TMEM131: variants seen among roughly 807,000 people sequenced by gnomAD.
The protein encoded by TMEM131 is transmembrane protein 131, also known as 2610524E03Rik.
Under a neutral mutation model 211.6 loss-of-function variants are expected in TMEM131, and 66 were observed. The observed-to-expected ratio is 0.31, with a 90% confidence interval of 0.26 to 0.38. The LOEUF is 0.38. Ranked by LOEUF, TMEM131 falls within the 10% of genes least tolerant of loss-of-function variation. The pLI is 1.00. For missense variants in TMEM131, 2,036 were observed against 2,299.3 expected (o/e 0.89, Z 2.34); for synonymous variants, 844 against 841.3 (o/e 1.00, Z -0.06).
At chr2:97,947,196 G>A (rs1320781939) in intron 1 of TMEM131, among the ~76,000 whole-genome samples, 7 of 151,796 alleles carry the variant, frequency 4.6e-5, no homozygotes, top group South Asian at 2.1e-4. Flanking sequence ...ACATCATAGT[G>A]AAAGAATAAA....
intron 4 of TMEM131, among the ~76,000 whole-genome samples, chr2:97,859,870 T>A (rs966542453): frequency 6.6e-6 from 1 of 152,226 alleles, no homozygotes; most frequent in Non-Finnish European, 1.5e-5. Flanking sequence ...TTTACTATAC[T>A]CATTTCATAG....
chr2:97,869,595 G>A (rs539306298), intron 4 of TMEM131, among the ~76,000 whole-genome samples: 65 of 152,328 alleles, frequency 4.3e-4, no homozygotes, highest in African/African-American at 1.5e-3. Context: ...TGCTCAAACA[G>A]GGCAGGCTGC....
chr2:97,940,966 A>G (rs1214250991), intron 1 of TMEM131, among the ~76,000 whole-genome samples: 1 of 152,184 alleles, frequency 6.6e-6, no homozygotes, highest in South Asian at 2.1e-4. Flanking sequence ...AGGATTGGAA[A>G]ATACTACTTT....
chr2:97,961,247 AAATAT>A (rs1168241600), intron 1 of TMEM131, among the ~76,000 whole-genome samples: 24 of 152,166 alleles, frequency 1.6e-4, no homozygotes, highest in Non-Finnish European at 3.4e-4. Context: ...AAATAAAATA[AAATAT>A]AATTTCATTG....
intron 4 of TMEM131, among the ~76,000 whole-genome samples, chr2:97,870,822 A>C (rs374946925): frequency 1.3e-5 from 2 of 152,232 alleles, no homozygotes; most frequent in African/African-American, 2.4e-5. Context: ...TTACCGCAAA[A>C]TACTACTATC....
At chr2:97,793,252 G>T in intron 30 of TMEM131, 143 bp downstream of exon 30, 1 of 840,632 alleles carries the variant, frequency 1.2e-6, no homozygotes, top group Non-Finnish European at 1.8e-6. Context: ...GTCACTCAGA[G>T]TTCCATACAG....
chr2:97,955,901 A>G (rs1240084737), intron 1 of TMEM131, among the ~76,000 whole-genome samples: 3 of 152,302 alleles, frequency 2.0e-5, no homozygotes, highest in South Asian at 2.1e-4. Context: ...AAAAATGTCA[A>G]TTCTCCCCAA....
chr2:97,815,074 CT>C, intron 13 of TMEM131, 124 bp downstream of exon 13: 2 of 504,284 alleles, frequency 4.0e-6, no homozygotes, highest in Non-Finnish European at 3.2e-6. Context: ...TGGGGCTGTT[CT>C]TTCAAAAAAT....
At chr2:97,935,986 G>C (rs1207474649) in intron 1 of TMEM131, among the ~76,000 whole-genome samples, 1 of 152,136 alleles carries the variant, frequency 6.6e-6, no homozygotes, top group South Asian at 2.1e-4. Context: ...CAATAAGGGT[G>C]GCAGAACAAT....
intron 1 of TMEM131, among the ~76,000 whole-genome samples, chr2:97,989,281 A>AC (rs1006726772): frequency 9.2e-5 from 14 of 151,970 alleles, no homozygotes; most frequent in Non-Finnish European, 1.9e-4. Flanking sequence ...ACAAAACAAA[A>AC]AAAAAAAAAA....
chr2:97,893,951 C>T (rs972319305), intron 3 of TMEM131, among the ~76,000 whole-genome samples: 5 of 152,122 alleles, frequency 3.3e-5, no homozygotes, highest in African/African-American at 1.2e-4. Flanking sequence ...AAGTCTTTGC[C>T]CATGCCTACG....
chr2:97,800,067 A>T (rs1680955860), intron 25 of TMEM131, among the ~76,000 whole-genome samples: 1 of 152,228 alleles, frequency 6.6e-6, no homozygotes, highest in Non-Finnish European at 1.5e-5. Context: ...AACAAATTAA[A>T]TCACTATTTT....
intron 5 of TMEM131, among the ~76,000 whole-genome samples, chr2:97,847,321 C>T (rs1683498797): frequency 2.0e-5 from 3 of 152,140 alleles, no homozygotes; most frequent in Admixed American, 2.0e-4. Flanking sequence ...TAAAAATCCT[C>T]CTAAAAGAGT....
intron 2 of TMEM131, among the ~76,000 whole-genome samples, chr2:97,915,874 A>T (rs535061256): frequency 1.3e-5 from 2 of 152,208 alleles, no homozygotes; most frequent in South Asian, 4.1e-4. Context: ...ATACCATTTT[A>T]GTATTCTGTG....
intron 5 of TMEM131, among the ~76,000 whole-genome samples, chr2:97,844,585 TGA>T (rs1303241567): frequency 6.6e-6 from 1 of 152,164 alleles, no homozygotes; most frequent in Admixed American, 6.6e-5. Flanking sequence ...GCGTTGAGGC[TGA>T]GTTTTCATAT....
rs367557115 is a variant in TMEM131 at position 97,857,070 on chromosome 2, T to C, written c.483+2234A>G. On this transcript the variant is annotated intron_variant, in intron 5 of 40. Transcript: ENST00000186436. ...TTTGCCTAACATTCATATATAGAAATAGTCCCTGGGAGAGTCTAGTTCAGA... is the reference window on the plus strand; with the variant it reads ...TTTGCCTAACATTCATATATAGAAACAGTCCCTGGGAGAGTCTAGTTCAGA... Among the ~76,000 whole-genome samples the C allele has an allele frequency of 9.8e-5, 15 of 152,332 alleles. No individual in the cohort carries two copies. The South Asian group carries it at 2.9e-3, about 29-fold the overall frequency.
chr2:97,835,539 A>C (rs1682899479), intron 8 of TMEM131, among the ~76,000 whole-genome samples: 1 of 152,234 alleles, frequency 6.6e-6, no homozygotes, highest in African/African-American at 2.4e-5. Flanking sequence ...AATTTTGAGG[A>C]GTAATCTCTT....
intron 3 of TMEM131, among the ~76,000 whole-genome samples, chr2:97,899,119 G>A (rs1675741586): frequency 6.6e-6 from 1 of 151,824 alleles, no homozygotes; most frequent in Admixed American, 6.6e-5. Flanking sequence ...GTATCTACCT[G>A]GGGAACTGTC....
rs138345351 is a variant in TMEM131 at position 97,951,663 on chromosome 2, T to C, written c.188-24176A>G. 2.6e-3 allele frequency among the ~76,000 whole-genome samples: 390 copies of C among 152,268 alleles called. 3 individuals carry two copies. Among genetic ancestry groups the C allele is most frequent in the African/African-American group, 8.8e-3 (367 of 41,540 alleles). On this transcript the variant is annotated intron_variant, in intron 1 of 40. Transcript: ENST00000186436. ...TATGCCTGTTGGCAATTTCAAGTTG[T>C]ACTCCACTCCAGTCTGGGATACACG...
Sources: gnomAD v4.1 joint callset for allele counts (sites outside exome capture counted in the v4.1 genomes callset) on GRCh38, gnomAD v4.1.1 for gene constraint, MANE v1.5 for transcripts, NCBI Gene and HGNC (gene_info 2026-07-23, HGNC 2026-07-21) for gene names.